The following SHCBP1L variants were observed in gnomAD, a reference collection of about 807,000 sequenced individuals.
SHCBP1L encodes the protein testicular spindle-associated protein SHCBP1L.
A neutral mutation model predicts 62.5 loss-of-function variants in SHCBP1L; 67 were observed. The ratio of observed to expected loss-of-function variants is 1.07; its 90% CI spans 0.88 to 1.31. The LOEUF (loss-of-function observed/expected upper bound fraction) is 1.31, where lower values mean the gene tolerates loss of function less well. Ranked by LOEUF, SHCBP1L falls within the 40% of genes most tolerant of loss-of-function variation. The pLI, the probability that SHCBP1L is intolerant of heterozygous loss-of-function variation, is 0.00. For synonymous variants in SHCBP1L, 284 were observed against 289.4 expected (o/e 0.98, Z 0.19); for missense variants, 823 against 809.8 (o/e 1.02, Z -0.20).
chr1:182,934,100 A>G (rs1034489826), intron 5 of SHCBP1L, among the ~76,000 whole-genome samples: 2 of 152,056 alleles, frequency 1.3e-5, no homozygotes, highest in African/African-American at 2.4e-5. Flanking sequence ...ATTCTTGGTT[A>G]TCTAATTTGT....
At chr1:182,914,172 T>C (rs78017538) in intron 6 of SHCBP1L, among the ~76,000 whole-genome samples, 1,858 of 152,148 alleles carry the variant, frequency 0.012, 17 homozygotes, top group Non-Finnish European at 0.02. Flanking sequence ...ATTCTATATC[T>C]AGAAAAAATA....
chr1:182,900,143 A>C lies in SHCBP1L; in HGVS notation c.1802T>G (p.Phe601Cys). ...GAGAGCTTCTTCTGCTACGATAAAAAACTGTTCCATTGGTTGAAGAATGCT... is the reference window on the plus strand; with the variant it reads ...GAGAGCTTCTTCTGCTACGATAAAACACTGTTCCATTGGTTGAAGAATGCT... ...GVSILQPMEQ[F>C]FIVAEEALNK... Residue 601 changes from phenylalanine to cysteine, a missense_variant, in exon 10 of 10, where the codon TTT becomes TGT. Physicochemically the swap from Phe to Cys is radical, Grantham distance 205. Coordinates refer to ENST00000367547, the MANE Select transcript of SHCBP1L (RefSeq NM_030933.4). 1 of 1,612,480 alleles carries C rather than the reference A, an allele frequency of 6.2e-7. No homozygotes were observed. The highest frequency in any genetic ancestry group is 8.5e-7 in the Non-Finnish European group (1 of 1,179,136).
At chr1:182,940,168 TTACAAA>T (rs1651308098) in intron 3 of SHCBP1L, among the ~76,000 whole-genome samples, 155 bp downstream of exon 3, 1 of 152,192 alleles carries the variant, frequency 6.6e-6, no homozygotes, top group Non-Finnish European at 1.5e-5. Context: ...TTACTAAAAG[TTACAAA>T]TACAATATGT....
chr1:182,905,420 AT>A lies in SHCBP1L; in HGVS notation c.1336+75del. The A allele has an allele frequency of 3.6e-6, 5 of 1,381,958 alleles. No homozygotes were observed. In the Admixed American group the frequency reaches 9.6e-5, roughly 26 times the overall value. The allele number at this position is 1,381,958 out of a possible 1,614,324, so 85.6% of individuals were successfully genotyped here. On this transcript the variant is annotated intron_variant, in intron 7 of 9. Transcript: ENST00000367547. ...TTCTATTGTAATTTCCAATAATTCC[AT>A]TAAGCATGTTTAGAATACACAATTT...
intron 2 of SHCBP1L, among the ~76,000 whole-genome samples, chr1:182,949,514 T>C (rs1651678178): frequency 6.6e-6 from 1 of 151,804 alleles, no homozygotes; most frequent in South Asian, 2.1e-4. Flanking sequence ...CTGGCCAACA[T>C]AGTGAAATCC....
chr1:182,940,247 G>A (rs1478000390), intron 3 of SHCBP1L, 82 bp downstream of exon 3: 3 of 1,186,902 alleles, frequency 2.5e-6, no homozygotes, highest in Non-Finnish European at 3.6e-6. Context: ...GTAAGTGCTT[G>A]TAAAGCGATT....
intron 6 of SHCBP1L, among the ~76,000 whole-genome samples, chr1:182,912,462 G>A (rs764746991): frequency 1.3e-5 from 2 of 151,926 alleles, no homozygotes; most frequent in African/African-American, 2.4e-5. Flanking sequence ...GGGCATGGGA[G>A]CTCTGTGTAC....
chr1:182,943,728 G>A (rs1651455785), intron 2 of SHCBP1L, among the ~76,000 whole-genome samples: 1 of 151,354 alleles, frequency 6.6e-6, no homozygotes, highest in African/African-American at 2.4e-5. Flanking sequence ...GATTACAGGC[G>A]TGAGCCACTG....
In SHCBP1L at chr1:182,905,516, G is replaced by C. The variant is rs1446605529; in HGVS notation, c.1316C>G (p.Thr439Arg). ...EYQAANLALLTDDIIIKGVGK... is the reference protein window; with the variant it reads ...EYQAANLALLRDDIIIKGVGK... ...CTAACCCTTTATAATGATGTCATCTGTCAACAAAGCAAGATTTGCAGCTTG... is the reference window on the plus strand; with the variant it reads ...CTAACCCTTTATAATGATGTCATCTCTCAACAAAGCAAGATTTGCAGCTTG... Residue 439 changes from threonine to arginine, a missense_variant, in exon 7 of 10, where the codon ACA (threonine) becomes AGA (arginine). Transcript: ENST00000367547. 2.5e-6 allele frequency: 4 copies of C among 1,613,530 alleles called. No individual in the cohort carries two copies. Among genetic ancestry groups the C allele is most frequent in the Non-Finnish European group, 3.4e-6 (4 of 1,179,808 alleles).
intron 6 of SHCBP1L, among the ~76,000 whole-genome samples, chr1:182,915,056 G>A (rs1436145946): frequency 6.7e-6 from 1 of 149,562 alleles, no homozygotes; most frequent in East Asian, 2.0e-4. Context: ...CAGCTACTCA[G>A]GAGGCTGAGG....
intron 6 of SHCBP1L, among the ~76,000 whole-genome samples, chr1:182,921,227 T>C (rs545052901): frequency 1.3e-5 from 2 of 152,100 alleles, no homozygotes; most frequent in Non-Finnish European, 2.9e-5. Context: ...CATTCAGCAA[T>C]CTTAAAGAAA....
At position 182,899,883 on chromosome 1, in the gene SHCBP1L, TA is replaced by T. The variant is rs921448114; in HGVS notation, c.*99del. 5.1e-5 allele frequency: 51 copies of T among 990,918 alleles called. No homozygotes were observed. The highest frequency in any genetic ancestry group is 3.1e-4 in the Middle Eastern group (1 of 3,198). The allele number at this position is 990,918 out of a possible 1,614,324, so 61.4% of individuals were successfully genotyped here. A position where few individuals can be genotyped will look rare whatever the true frequency, so the allele number is the denominator to read the frequency against. On this transcript the variant is annotated 3_prime_UTR_variant, in exon 10 of 10. Transcript: ENST00000367547. ...GAAAGCATGATATTTAAATATTTTT[TA>T]ATTAAGCTTTGAATTGAAACTACCA... is the stretch of plus-strand genomic sequence containing the variant.
chr1:182,945,949 A>G (rs994755838), intron 2 of SHCBP1L, among the ~76,000 whole-genome samples: 2 of 151,608 alleles, frequency 1.3e-5, no homozygotes, highest in Non-Finnish European at 2.9e-5. Context: ...AGTCTCAGCT[A>G]CTCGGGAGGC....
intron 8 of SHCBP1L, 128 bp downstream of exon 8, chr1:182,904,052 C>A (rs1160044605): frequency 7.9e-6 from 9 of 1,133,382 alleles, no homozygotes; most frequent in Middle Eastern, 2.1e-4. Flanking sequence ...TGATGTCTAC[C>A]AGTTACTAAG....
At chr1:182,935,152 GCT>G (rs1424238467) in intron 5 of SHCBP1L, among the ~76,000 whole-genome samples, 6 of 151,904 alleles carry the variant, frequency 3.9e-5, no homozygotes, top group Non-Finnish European at 8.8e-5. Flanking sequence ...CTACTTTTTG[GCT>G]ATTCTAGGTT....
chr1:182,924,977 A>AGAAAGAAAGAAAG (rs1553245973), intron 6 of SHCBP1L, among the ~76,000 whole-genome samples: 29 of 140,530 alleles, frequency 2.1e-4, no homozygotes, highest in African/African-American at 4.0e-4. Context: ...AAAGAAAGAA[A>AGAAAGAAAGAAAG]AAAAAAGGAA....
rs970541760 is a variant in SHCBP1L, at chr1:182,905,567, G to T, written c.1265C>A (p.Thr422Lys). The T allele has an allele frequency of 1.2e-6, 2 of 1,613,582 alleles. No individual in the cohort carries two copies. The highest frequency in any genetic ancestry group is 1.7e-5 in the Admixed American group (1 of 59,988). Residue 422 changes from threonine to lysine, a missense_variant, in exon 7 of 10, where the codon ACA becomes AAA. By Grantham distance (78) the Thr-to-Lys change is moderately conservative. Transcript: ENST00000367547. ...ATATTCTCCTGGAAAAATTATTACT[G>T]TATCTCCACTATAACAATTATCCAA... is the stretch of plus-strand genomic sequence containing the variant. ...LALDNCYSGD[T>K]VIIFPGEYQA... is the part of the protein sequence containing the mutation.
At chr1:182,901,439 A>G (rs909858547) in intron 9 of SHCBP1L, among the ~76,000 whole-genome samples, 5 of 152,164 alleles carry the variant, frequency 3.3e-5, no homozygotes, top group African/African-American at 7.2e-5. Context: ...CCTGGGCAAC[A>G]AGAGCAAAAC....
intron 5 of SHCBP1L, among the ~76,000 whole-genome samples, chr1:182,932,938 C>T (rs1052784153): frequency 2.0e-5 from 3 of 152,026 alleles, no homozygotes; most frequent in Non-Finnish European, 4.4e-5. Flanking sequence ...CAGAGTCTCA[C>T]TCTGTCACCC....
Sources: allele counts gnomAD v4.1 joint callset (sites outside exome capture counted in the v4.1 genomes callset), GRCh38; gene constraint gnomAD v4.1.1; transcripts MANE v1.5; gene names NCBI Gene and HGNC (gene_info 2026-07-23, HGNC 2026-07-21).